IQCH: variants seen among roughly 807,000 people sequenced by gnomAD.
IQCH encodes the protein IQ motif containing H.
A neutral mutation model predicts 117.0 loss-of-function variants in IQCH; 98 were observed. That is an observed-to-expected ratio of 0.84 (90% CI 0.71 to 0.99). The LOEUF is 0.99. Ranked by LOEUF, IQCH falls within the 50% of genes least tolerant of loss-of-function variation. The probability of loss-of-function intolerance (pLI) is 0.00; values close to 1 mark genes in which losing one functional copy is unlikely to be tolerated. For synonymous variants in IQCH, 412 were observed against 448.2 expected, an observed-to-expected ratio of 0.92 and a Z score of 1.02; for missense variants, 1,102 against 1,243.8, an observed-to-expected ratio of 0.89 and a Z score of 1.72.
chr15:67,479,687 G>C lies in IQCH; in HGVS notation c.2799+3869G>C, dbSNP rs780826626. Among the ~76,000 whole-genome samples, 1 of 152,208 alleles carries C rather than the reference G, an allele frequency of 6.6e-6. No individual in the cohort carries two copies. Among genetic ancestry groups the C allele is most frequent in the Non-Finnish European group, 1.5e-5 (1 of 68,040 alleles). ...CAAGATCATTTACCTAAATTCCAGA[G>C]TAACCTGCTCCCACTCTTGGTTGAA... On this transcript the variant is annotated intron_variant, in intron 18 of 20. Transcript: ENST00000335894. The surrounding 1 kb of genome is among the most constrained non-coding windows in gnomAD (Gnocchi z 4.6).
In IQCH at chr15:67,459,472, C is replaced by T. The variant is rs2082737942; in HGVS notation, c.2506-5655C>T. ...TGCCACCCATTCATCCCGCCTGTCA[C>T]CAGAAAGAGGCAGAAGCAGCAGGGG... On this transcript the variant is annotated intron_variant, in intron 16 of 20. Coordinates refer to ENST00000335894, the MANE Select transcript of IQCH (RefSeq NM_001031715.3). This position sits in a 1 kb window ranked among gnomAD's most constrained non-coding sequence, Gnocchi z 4.2. 6.6e-6 allele frequency among the ~76,000 whole-genome samples: 1 copy of T among 152,188 alleles called. No individual in the cohort carries two copies. The highest frequency in any genetic ancestry group is 6.5e-5 in the Admixed American group (1 of 15,282).
At chr15:67,429,723 C>G (rs1218493380) in intron 16 of IQCH, among the ~76,000 whole-genome samples, 4 of 152,086 alleles carry the variant, frequency 2.6e-5, no homozygotes, top group African/African-American at 7.2e-5. Context: ...GCCCATTGGC[C>G]CCAGCTGGGC....
rs746181435 is a variant in IQCH at position 67,373,538 on chromosome 15, C to A, written c.1372+105C>A. The A allele has an allele frequency of 2.4e-4, 196 of 806,024 alleles. No homozygotes were observed. The East Asian group carries it at 4.9e-3, about 20-fold the overall frequency. 49.9% of individuals were successfully genotyped at this position (806,024 alleles called of 1,614,324 possible). A position where few individuals can be genotyped will look rare whatever the true frequency, so the allele number is the denominator to read the frequency against. The stretch of plus-strand genomic sequence containing the variant: ...GGCCCCTTGTTTTATTCAAATTGGT[C>A]TCGGCAGGAAAATGTTCTCGACATG... On this transcript the variant is annotated intron_variant, in intron 10 of 20. Coordinates refer to ENST00000335894, the MANE Select transcript of IQCH (RefSeq NM_001031715.3).
At chr15:67,462,993 A>G (rs1170720258) in intron 16 of IQCH, among the ~76,000 whole-genome samples, 1 of 152,238 alleles carries the variant, frequency 6.6e-6, no homozygotes, top group Non-Finnish European at 1.5e-5. Context: ...AAAGGGCATT[A>G]CTGTGCGAAT....
chr15:67,391,976 C>G lies in IQCH; in HGVS notation c.1632+2970C>G, dbSNP rs1403882204. Among the ~76,000 whole-genome samples the G allele has an allele frequency of 2.0e-5, 3 of 152,168 alleles. No homozygotes were observed. The highest frequency in any genetic ancestry group is 4.8e-5 in the African/African-American group (2 of 41,440). On this transcript the variant is annotated intron_variant, in intron 12 of 20. Coordinates refer to ENST00000335894, the MANE Select transcript of IQCH (RefSeq NM_001031715.3). This position sits in a 1 kb window ranked among gnomAD's most constrained non-coding sequence, Gnocchi z 4.3. ...TATTGCTGCATCTGCCATCCCCCTT[C>G]ACATCTCAAAAACCCACCAGATCTT...
chr15:67,394,592 T>C (rs1971398175), intron 12 of IQCH, among the ~76,000 whole-genome samples: 3 of 152,210 alleles, frequency 2.0e-5, no homozygotes, highest in Non-Finnish European at 4.4e-5. Flanking sequence ...CTAGCTAGAA[T>C]TATTTATTTA....
chr15:67,484,495 C>T (rs2083420285), intron 18 of IQCH, among the ~76,000 whole-genome samples: 1 of 150,664 alleles, frequency 6.6e-6, no homozygotes, highest in South Asian at 2.1e-4. Context: ...CTTTGGGAGG[C>T]CAAGGCAGGT....
chr15:67,267,205 CAG>C (rs1278372893), intron 3 of IQCH, among the ~76,000 whole-genome samples: 3 of 152,106 alleles, frequency 2.0e-5, no homozygotes, highest in African/African-American at 7.2e-5. Flanking sequence ...TTAATATAAA[CAG>C]AAGTTCTTAT....
In IQCH at chr15:67,384,037, A is replaced by G. The variant is rs1005807617; in HGVS notation, c.1373-899A>G. ...TAGTATATAAAATCACTTTATCTAG[A>G]GCAGTTTAACTTGAAATGTGTGTTT... On this transcript the variant is annotated intron_variant, in intron 10 of 20. Transcript: ENST00000335894. This position sits in a 1 kb window ranked among gnomAD's most constrained non-coding sequence, Gnocchi z 4.3. 6.6e-6 allele frequency among the ~76,000 whole-genome samples: 1 copy of G among 152,134 alleles called. No individual in the cohort carries two copies. The highest frequency in any genetic ancestry group is 2.4e-5 in the African/African-American group (1 of 41,434).
intron 16 of IQCH, among the ~76,000 whole-genome samples, chr15:67,437,665 A>C (rs2082171335): frequency 6.6e-6 from 1 of 152,208 alleles, no homozygotes; most frequent in Non-Finnish European, 1.5e-5. Flanking sequence ...ACAAGAAATG[A>C]AGGGATACAT....
In IQCH at chr15:67,433,792, C is replaced by T. The variant is rs1416331673; in HGVS notation, c.2505+12215C>T. Among the ~76,000 whole-genome samples the T allele has an allele frequency of 6.6e-6, 1 of 152,132 alleles. No individual in the cohort carries two copies. Among genetic ancestry groups the T allele is most frequent in the Non-Finnish European group, 1.5e-5 (1 of 68,014 alleles). ...GCTCCCTACTAATGCCAAGAAAGAC[C>T]ATAAGATTCTTCACCTATGAGCATT... On this transcript the variant is annotated intron_variant, in intron 16 of 20. Transcript: ENST00000335894. The surrounding 1 kb of genome is among the most constrained non-coding windows in gnomAD (Gnocchi z 5.4).
Position 67,494,924 on chromosome 15 carries a change from G to A in IQCH, c.2970+558G>A, listed in dbSNP as rs1391437652. 6.6e-6 allele frequency among the ~76,000 whole-genome samples: 1 copy of A among 152,172 alleles called. No individual in the cohort carries two copies. Among genetic ancestry groups the A allele is most frequent in the Non-Finnish European group, 1.5e-5 (1 of 68,030 alleles). ...AAGCCTTCTTATGACCTTTAAAGAT[G>A]TTGGTCTATCAAATCCAGTTGTGTA... On this transcript the variant is annotated intron_variant, in intron 20 of 20. Transcript: ENST00000335894. This position sits in a 1 kb window ranked among gnomAD's most constrained non-coding sequence, Gnocchi z 5.5.
chr15:67,256,107 G>A (rs1030599056), intron 1 of IQCH, among the ~76,000 whole-genome samples: 4 of 152,150 alleles, frequency 2.6e-5, no homozygotes, highest in African/African-American at 9.7e-5. Flanking sequence ...TATTCGCAGA[G>A]CTCAGGGAAG....
intron 4 of IQCH, among the ~76,000 whole-genome samples, chr15:67,280,234 CA>C (rs1966296278): frequency 6.6e-6 from 1 of 152,102 alleles, no homozygotes; most frequent in African/African-American, 2.4e-5. Flanking sequence ...GAAAATAAAT[CA>C]AGACATAATA....
At chr15:67,282,594 G>C (rs1270901978) in intron 4 of IQCH, among the ~76,000 whole-genome samples, 1 of 152,104 alleles carries the variant, frequency 6.6e-6, no homozygotes, top group African/African-American at 2.4e-5. Context: ...TGACACAAAA[G>C]ATAGCCCTAA....
chr15:67,269,575 GGT>G (rs1567051947), intron 3 of IQCH, among the ~76,000 whole-genome samples: 2 of 151,998 alleles, frequency 1.3e-5, no homozygotes, highest in African/African-American at 4.8e-5. Flanking sequence ...GTAAAACCTA[GGT>G]TTTATTTCTT....
At chr15:67,308,529 A>T (rs1967420620) in intron 4 of IQCH, among the ~76,000 whole-genome samples, 1 of 152,220 alleles carries the variant, frequency 6.6e-6, no homozygotes, top group Non-Finnish European at 1.5e-5. Flanking sequence ...TCACCCAAGG[A>T]CTGTGGTGGC....
chr15:67,279,727 G>T (rs893828977), intron 4 of IQCH, among the ~76,000 whole-genome samples: 1 of 152,192 alleles, frequency 6.6e-6, no homozygotes, highest in Non-Finnish European at 1.5e-5. Context: ...TTTTGGCTGG[G>T]TGCAGTGGCT....
intron 16 of IQCH, among the ~76,000 whole-genome samples, chr15:67,450,533 T>G (rs1394967183): frequency 2.0e-5 from 3 of 152,334 alleles, no homozygotes; most frequent in East Asian, 1.9e-4. Context: ...ATTTATTGAT[T>G]TGCGTATGTT....
Sources: gnomAD v4.1 joint callset for allele counts (sites outside exome capture counted in the v4.1 genomes callset) on GRCh38, gnomAD v4.1.1 for gene constraint, Gnocchi (gnomAD v3.1) non-coding constraint, MANE v1.5 for transcripts, NCBI Gene and HGNC (gene_info 2026-07-23, HGNC 2026-07-21) for gene names.